The following PDE4D variants were observed in gnomAD, a reference collection of about 807,000 sequenced individuals.
PDE4D encodes phosphodiesterase 4D.
Under a neutral mutation model 87.4 loss-of-function variants are expected in PDE4D, and 24 were observed. That is an observed-to-expected ratio of 0.27 (90% CI 0.20 to 0.39). The LOEUF (loss-of-function observed/expected upper bound fraction) is 0.39, where lower values mean the gene tolerates loss of function less well. Among genes scored for constraint, PDE4D ranks in the 10% least tolerant of loss-of-function variants. PDE4D has a pLI of 1.00. For synonymous variants in PDE4D, 384 were observed against 383.2 expected (o/e 1.00, Z -0.02); for missense variants, 714 against 1,041.0 (o/e 0.69, Z 4.32).
At chr5:59,819,196 T>C (rs551506234) in intron 1 of PDE4D, among the ~76,000 whole-genome samples, 2 of 152,226 alleles carry the variant, frequency 1.3e-5, no homozygotes, top group Non-Finnish European at 2.9e-5. Flanking sequence ...TTACTTAAAG[T>C]GAAGTGAAAT....
chr5:59,527,596 TAGGTA>T (rs1248114676), intron 1 of PDE4D, among the ~76,000 whole-genome samples: 2 of 152,226 alleles, frequency 1.3e-5, no homozygotes, highest in African/African-American at 4.8e-5. Context: ...ATATTATAAG[TAGGTA>T]AGGTATCTCC....
At chr5:59,031,381 ATATATATATATT>A (rs1455591726) in intron 6 of PDE4D, among the ~76,000 whole-genome samples, 16 of 28,590 alleles carry the variant, frequency 5.6e-4, no homozygotes, top group African/African-American at 2.6e-3. Flanking sequence ...ATATATATAT[ATATATATATATT>A]ATATATATAT....
rs186672297 is a variant in PDE4D at position 59,117,086 on chromosome 5, G to A, written c.808+63509C>T. On this transcript the variant is annotated intron_variant, in intron 5 of 14. Transcript: ENST00000340635. ...AGTTCCTTCATCTTAATTTCTCTAC[G>A]TTTAGCCACTAATTTCTTTGGCTTC... 1.7e-4 allele frequency among the ~76,000 whole-genome samples: 26 copies of A among 152,140 alleles called. No individual in the cohort carries two copies. In the East Asian group the frequency reaches 4.6e-3, roughly 27 times the overall value.
chr5:59,131,674 G>A (rs1276812092), intron 5 of PDE4D, among the ~76,000 whole-genome samples: 3 of 149,052 alleles, frequency 2.0e-5, no homozygotes, highest in South Asian at 2.1e-4. Context: ...AGCCCCCCAT[G>A]GGAGATGACT....
chr5:60,285,954 G>A (rs1752379326), intron 1 of PDE4D, among the ~76,000 whole-genome samples: 1 of 152,186 alleles, frequency 6.6e-6, no homozygotes, highest in Admixed American at 6.5e-5. Context: ...ATGTTTCAGA[G>A]TGCACAAGGA....
At chr5:59,021,132 G>A (rs948364713) in intron 6 of PDE4D, among the ~76,000 whole-genome samples, 4 of 152,168 alleles carry the variant, frequency 2.6e-5, no homozygotes, top group Admixed American at 6.5e-5. Flanking sequence ...GAAAAGCAAA[G>A]CACAAGCAAC....
At chr5:59,189,140 T>C (rs1743615638) in intron 3 of PDE4D, among the ~76,000 whole-genome samples, 1 of 151,572 alleles carries the variant, frequency 6.6e-6, no homozygotes, top group African/African-American at 2.4e-5. Flanking sequence ...TATTCTATAG[T>C]ATTAATAACT....
At chr5:58,995,043 AAAC>A (rs1748895861) in intron 6 of PDE4D, among the ~76,000 whole-genome samples, 1 of 134,038 alleles carries the variant, frequency 7.5e-6, no homozygotes, top group African/African-American at 2.5e-5. Flanking sequence ...GCTGGGGAAA[AAAC>A]AAACAAACAA....
chr5:60,495,396 C>G (rs1172660680), intron 1 of PDE4D, among the ~76,000 whole-genome samples: 1 of 152,164 alleles, frequency 6.6e-6, no homozygotes, highest in Non-Finnish European at 1.5e-5. Flanking sequence ...CTGGCTCCCA[C>G]TACAGGATGC....
Position 60,063,129 on chromosome 5 carries a change from A to G in PDE4D, c.43-74412T>C, listed in dbSNP as rs570759594. On this transcript the variant is annotated intron_variant, in intron 2 of 16. Coordinates refer to the PDE4D transcript ENST00000502484. ...AAGAAAGAAAGAAAGAAAGAAAGAA[A>G]GAAAGAAAGAAAGAAAGAAAGAAAG... Among the ~76,000 whole-genome samples, 11 of 150,434 alleles carry G rather than the reference A, an allele frequency of 7.3e-5. No homozygotes were observed. In the East Asian group the frequency reaches 1.6e-3, roughly 22 times the overall value.
intron 1 of PDE4D, among the ~76,000 whole-genome samples, chr5:60,501,697 C>T (rs1750085964): frequency 6.6e-6 from 1 of 151,840 alleles, no homozygotes; most frequent in African/African-American, 2.4e-5. Flanking sequence ...GCCATTCTAA[C>T]TGGTGTGAGA....
chr5:60,366,575 G>A (rs1760565149), intron 1 of PDE4D, among the ~76,000 whole-genome samples: 1 of 152,182 alleles, frequency 6.6e-6, no homozygotes, highest in African/African-American at 2.4e-5. Flanking sequence ...TGATGTCAAT[G>A]AACCTTAGTG....
At chr5:59,690,881 C>T (rs1454911122) in intron 1 of PDE4D, among the ~76,000 whole-genome samples, 1 of 152,040 alleles carries the variant, frequency 6.6e-6, no homozygotes, top group Non-Finnish European at 1.5e-5. Flanking sequence ...AAGAAAAAAT[C>T]AAACAACCAC....
chr5:59,695,190 T>C (rs1441626809), intron 1 of PDE4D, among the ~76,000 whole-genome samples: 2 of 141,540 alleles, frequency 1.4e-5, no homozygotes, highest in African/African-American at 5.3e-5. Flanking sequence ...ATAATGCTTC[T>C]GCATTTTTGA....
At chr5:60,045,628 C>T (rs528984634) in intron 2 of PDE4D, among the ~76,000 whole-genome samples, 2 of 152,270 alleles carry the variant, frequency 1.3e-5, no homozygotes, top group African/African-American at 4.8e-5. Context: ...GAATCCTCTC[C>T]CCATTGCTTG....
Position 60,101,946 on chromosome 5 carries a change from G to C in PDE4D, c.42+83611C>G, listed in dbSNP as rs538376203. On this transcript the variant is annotated intron_variant, in intron 2 of 16. Coordinates refer to the PDE4D transcript ENST00000502484. The stretch of plus-strand genomic sequence containing the variant: ...GAACACTGAAAGCTTCTTTCTGTCT[G>C]GGTCTTGGCAAAGTATGAAAGTAAA... 1.8e-4 allele frequency among the ~76,000 whole-genome samples: 28 copies of C among 152,160 alleles called. No individual in the cohort carries two copies. In the South Asian group the frequency reaches 5.4e-3, roughly 29 times the overall value.
chr5:60,270,264 A>C (rs890807113), intron 1 of PDE4D, among the ~76,000 whole-genome samples: 3 of 152,352 alleles, frequency 2.0e-5, no homozygotes, highest in South Asian at 2.1e-4. Context: ...CCCAAAAAGC[A>C]ACTGATAATC....
At chr5:59,200,132 T>C (rs934870202) in intron 2 of PDE4D, among the ~76,000 whole-genome samples, 2 of 150,738 alleles carry the variant, frequency 1.3e-5, no homozygotes, top group South Asian at 2.1e-4. Context: ...CATGTAGACA[T>C]ACATGTATGT....
chr5:59,825,535 G>A (rs566868255), intron 1 of PDE4D, among the ~76,000 whole-genome samples: 1 of 152,300 alleles, frequency 6.6e-6, no homozygotes, highest in East Asian at 1.9e-4. Flanking sequence ...ACCCCCAGGT[G>A]TTTAGTTCTT....
Sources: allele counts gnomAD v4.1 joint callset (sites outside exome capture counted in the v4.1 genomes callset), GRCh38; gene constraint gnomAD v4.1.1; transcripts MANE v1.5; gene names NCBI Gene and HGNC (gene_info 2026-07-23, HGNC 2026-07-21).